MMP26: variants seen among roughly 807,000 people sequenced by gnomAD.
MMP26 encodes the protein matrix metallopeptidase 26, also known as matrix metalloproteinase-26.
Under a neutral mutation model 31.0 loss-of-function variants are expected in MMP26, and 33 were observed. The observed-to-expected ratio is 1.06, with a 90% confidence interval of 0.81 to 1.42. The LOEUF is 1.42. Ranked by LOEUF, MMP26 falls within the 40% of genes most tolerant of loss-of-function variation. The pLI is 0.00. For synonymous variants in MMP26, 122 were observed against 114.9 expected (o/e 1.06, Z -0.40); for missense variants, 347 against 316.1 (o/e 1.10, Z -0.74).
chr11:4,804,228 T>C, intron 2 of MMP26: 1 of 1,613,968 alleles, frequency 6.2e-7, no homozygotes, highest in Non-Finnish European at 8.5e-7. Context: ...CAATTCTGAT[T>C]ACATGGAGGA....
At chr11:4,943,926 A>T in intron 2 of MMP26, 1 of 422,382 alleles carries the variant, frequency 2.4e-6, no homozygotes, top group South Asian at 1.7e-5. Context: ...CAATATCCTG[A>T]AAGAATAAGA....
chr11:4,944,976 T>G (rs1359649836), intron 2 of MMP26: 3 of 152,242 alleles, frequency 2.0e-5, no homozygotes, highest in Middle Eastern at 3.4e-3. Flanking sequence ...ATCAGAAGTG[T>G]CCTAGACATT....
intron 2 of MMP26, among the ~76,000 whole-genome samples, chr11:4,957,895 G>T (rs1208372358): frequency 1.2e-4 from 19 of 152,022 alleles, no homozygotes; most frequent in Non-Finnish European, 2.4e-4. Context: ...GGCCAGGCAG[G>T]TCTCGAACTC....
intron 2 of MMP26, among the ~76,000 whole-genome samples, chr11:4,822,642 T>C (rs547691346): frequency 1.8e-4 from 27 of 152,208 alleles, no homozygotes; most frequent in Non-Finnish European, 3.5e-4. Flanking sequence ...AAAGTATTAA[T>C]TCAGGCTCTG....
intron 2 of MMP26, chr11:4,875,793 A>T (rs1850370925): frequency 6.6e-6 from 1 of 152,132 alleles, no homozygotes; most frequent in Non-Finnish European, 1.5e-5. Context: ...GTTTTCAAAG[A>T]TACGGATGAG....
At chr11:4,900,934 A>G (rs528472215) in intron 2 of MMP26, among the ~76,000 whole-genome samples, 22 of 152,224 alleles carry the variant, frequency 1.4e-4, no homozygotes, top group South Asian at 1.0e-3. Context: ...CCTAAGTACT[A>G]TCTTTCAAAG....
At chr11:4,789,752 G>C (rs895242464) in intron 2 of MMP26, among the ~76,000 whole-genome samples, 1 of 151,410 alleles carries the variant, frequency 6.6e-6, no homozygotes, top group Non-Finnish European at 1.5e-5. Flanking sequence ...GTGTTAGCCA[G>C]GATGGTGTCG....
intron 2 of MMP26, chr11:4,943,962 C>T: frequency 4.9e-6 from 2 of 410,302 alleles, no homozygotes; most frequent in South Asian, 1.8e-5. Context: ...CTAATTACTC[C>T]TCATCTTTTT....
intron 2 of MMP26, among the ~76,000 whole-genome samples, chr11:4,959,410 C>A (rs1846490779): frequency 6.6e-6 from 1 of 152,068 alleles, no homozygotes. Context: ...ATGAGTTTGA[C>A]CATTCTGTCT....
chr11:4,795,870 G>GAGAGAC (rs1309947796), intron 2 of MMP26, among the ~76,000 whole-genome samples: 2 of 147,146 alleles, frequency 1.4e-5, no homozygotes, highest in Admixed American at 6.7e-5. Context: ...GAGAGAGAGA[G>GAGAGAC]ACCTAACAAT....
At chr11:4,804,806 CA>C (rs71050431) in intron 2 of MMP26, among the ~76,000 whole-genome samples, 4 of 146,020 alleles carry the variant, frequency 2.7e-5, no homozygotes, top group Non-Finnish European at 3.0e-5. Context: ...CAAAACAAAA[CA>C]AAAAAAAACC....
chr11:4,864,770 C>T (rs561946800), intron 2 of MMP26, among the ~76,000 whole-genome samples: 1 of 152,052 alleles, frequency 6.6e-6, no homozygotes, highest in Non-Finnish European at 1.5e-5. Flanking sequence ...GATATCAGGC[C>T]TTGACTCCTC....
At chr11:4,943,683 C>T (rs1846250503) in intron 2 of MMP26, 1 of 354,874 alleles carries the variant, frequency 2.8e-6, no homozygotes, top group East Asian at 7.5e-5. Context: ...GGTAACATTG[C>T]TGCCAGTTGA....
chr11:4,894,692 G>T (rs965222407), intron 2 of MMP26, among the ~76,000 whole-genome samples: 3 of 152,132 alleles, frequency 2.0e-5, no homozygotes, highest in Non-Finnish European at 4.4e-5. Flanking sequence ...GGCAATACCT[G>T]CTAAGCCAGA....
chr11:4,970,636 G>C (rs1371415791), intron 2 of MMP26, among the ~76,000 whole-genome samples: 1 of 152,196 alleles, frequency 6.6e-6, no homozygotes, highest in Admixed American at 6.5e-5. Context: ...CTCCTTAGGG[G>C]CAAGTGCTAG....
intron 1 of MMP26, among the ~76,000 whole-genome samples, chr11:4,755,105 G>C (rs1421794428): frequency 1.3e-5 from 2 of 151,878 alleles, no homozygotes; most frequent in African/African-American, 2.4e-5. Context: ...ACTCTTTCTA[G>C]TTCACACACC....
In MMP26 at chr11:4,839,386, T is replaced by C. The variant is rs114772121; in HGVS notation, c.-145+72045T>C. ...CTAAGGGAGTGCTGGTATCATGCCT[T>C]CCCTAACCCCAGGCTGCATAGCTCA... On this transcript the variant is annotated intron_variant, in intron 2 of 7. Transcript: ENST00000380390. Among the ~76,000 whole-genome samples, 514 of 151,190 alleles carry C rather than the reference T, an allele frequency of 3.4e-3. 2 individuals are homozygous for C. Among genetic ancestry groups the C allele is most frequent in the African/African-American group, 9.9e-3 (409 of 41,160 alleles).
chr11:4,845,100 G>C (rs1310532898), intron 2 of MMP26, among the ~76,000 whole-genome samples: 1 of 151,926 alleles, frequency 6.6e-6, no homozygotes, highest in African/African-American at 2.4e-5. Flanking sequence ...ATTTCTATAA[G>C]CCAACAGTGA....
chr11:4,857,574 C>A (rs978838289), intron 2 of MMP26, among the ~76,000 whole-genome samples: 4 of 152,068 alleles, frequency 2.6e-5, no homozygotes, highest in African/African-American at 9.7e-5. Context: ...GAAATTGAGG[C>A]AATAATTAAT....
Sources: gnomAD v4.1 joint callset for allele counts (sites outside exome capture counted in the v4.1 genomes callset) on GRCh38, gnomAD v4.1.1 for gene constraint, MANE v1.5 for transcripts, NCBI Gene and HGNC (gene_info 2026-07-23, HGNC 2026-07-21) for gene names.